The following ANKRD52 variants were observed in gnomAD, a reference collection of about 807,000 sequenced individuals.
ANKRD52 encodes ankyrin repeat domain 52, also known as serine/threonine-protein phosphatase 6 regulatory ankyrin repeat subunit C.
Under a neutral mutation model 116.0 loss-of-function variants are expected in ANKRD52, and 7 were observed. The observed-to-expected ratio is 0.06, with a 90% CI of 0.03 to 0.11. ANKRD52 has a LOEUF of 0.11. ANKRD52 is among the 10% of genes least tolerant of loss of function. ANKRD52 has a pLI of 1.00. For synonymous variants in ANKRD52, 528 were observed against 578.1 expected (o/e 0.91, Z 1.24); for missense variants, 839 against 1,408.6 (o/e 0.60, Z 6.47).
Position 56,253,174 on chromosome 12 carries a change from G to A in ANKRD52, c.1101-88C>T, listed in dbSNP as rs776251158. On this transcript the variant is annotated intron_variant, in intron 10 of 27. Transcript: ENST00000267116. The surrounding 1 kb of genome is among the most constrained non-coding windows in gnomAD (Gnocchi z 5.5). ...TGACCTACCACCACCCTAGAGTCAG[G>A]GTAGGAGGTTCTCCAAGGTGCCCTT... is the stretch of plus-strand genomic sequence containing the variant. 12 of 1,451,248 alleles carry A rather than the reference G, an allele frequency of 8.3e-6. No homozygotes were observed. The South Asian group carries it at 1.0e-4, about 12-fold the overall frequency. The allele number at this position is 1,451,248 out of a possible 1,614,324, so 89.9% of individuals were successfully genotyped here.
Position 56,253,530 on chromosome 12 carries a change from A to C in ANKRD52, c.986-128T>G. The C allele has an allele frequency of 1.1e-6, 1 of 939,564 alleles. No homozygotes were observed. Among genetic ancestry groups the C allele is most frequent in the Admixed American group, 2.2e-5 (1 of 45,414 alleles). 58.2% of individuals were successfully genotyped at this position (939,564 alleles called of 1,614,324 possible). A position where few individuals can be genotyped will look rare whatever the true frequency, so the allele number is the denominator to read the frequency against. On this transcript the variant is annotated intron_variant, in intron 9 of 27. Coordinates refer to ENST00000267116, the MANE Select transcript of ANKRD52 (RefSeq NM_173595.4). This position sits in a 1 kb window ranked among gnomAD's most constrained non-coding sequence, Gnocchi z 5.5. ...CCAGGCCCAGGATTCTACATATTTT[A>C]TCCTGTTTCTAGGCCTTAGGAGACT...
At chr12:56,256,967 A>G (rs764826771) in intron 4 of ANKRD52, 48 bp downstream of exon 4, 2 of 1,576,960 alleles carry the variant, frequency 1.3e-6, no homozygotes, top group South Asian at 2.3e-5. Flanking sequence ...CCCCACCTTT[A>G]AGCAACTTAT....
intron 4 of ANKRD52, 54 bp downstream of exon 4, chr12:56,256,961 A>G (rs1040967015): frequency 6.4e-7 from 1 of 1,564,838 alleles, no homozygotes; most frequent in Non-Finnish European, 8.7e-7. Flanking sequence ...CTTAACCCCC[A>G]CCTTTAAGCA....
Position 56,243,631 on chromosome 12 carries a change from C to T in ANKRD52, c.2980+154G>A, listed in dbSNP as rs1871265367. Among the ~76,000 whole-genome samples the T allele has an allele frequency of 6.6e-6, 1 of 152,152 alleles. No homozygotes were observed. Among genetic ancestry groups the T allele is most frequent in the African/African-American group, 2.4e-5 (1 of 41,450 alleles). ...GAGTCCTCCTGACCCTGCAGGCTCC[C>T]CTCTGAGACTCCAGAGTACTGGTGT... On this transcript the variant is annotated intron_variant, in intron 27 of 27. Coordinates refer to ENST00000267116, the MANE Select transcript of ANKRD52 (RefSeq NM_173595.4). This position sits in a 1 kb window ranked among gnomAD's most constrained non-coding sequence, Gnocchi z 4.6.
rs774975259 is a variant in ANKRD52 at position 56,253,334 on chromosome 12, C to T, written c.1054G>A (p.Glu352Lys). The T allele has an allele frequency of 1.9e-6, 3 of 1,613,852 alleles. No individual in the cohort carries two copies. Among genetic ancestry groups the T allele is most frequent in the African/African-American group, 1.3e-5 (1 of 74,928 alleles). Residue 352 changes from glutamate (E) to lysine (K), a missense_variant, in exon 10 of 28, where the codon GAG becomes AAG. Around this residue, in one of 2 missense-constraint regions of ANKRD52, gnomAD observed 287 missense variants for 598.1 expected, o/e 0.48. Coordinates refer to ENST00000267116, the MANE Select transcript of ANKRD52 (RefSeq NM_173595.4). This position sits in a 1 kb window ranked among gnomAD's most constrained non-coding sequence, Gnocchi z 5.5. Reference sequence around the variant, plus strand: ...GTCATGAGGGTGCTGATGAGCAGCTCGTGTCCATATCGAGCAGCCACATGC... The same window carrying T: ...GTCATGAGGGTGCTGATGAGCAGCTTGTGTCCATATCGAGCAGCCACATGC... ...PLHVAARYGHELLISTLMTNG... is the reference protein window; with the variant it reads ...PLHVAARYGHKLLISTLMTNG...
Position 56,255,480 on chromosome 12 carries a change from G to A in ANKRD52, c.462+304C>T, listed in dbSNP as rs1025048500. The stretch of plus-strand genomic sequence containing the variant: ...GCTGGGATTACAGGCGTGAGCCGCC[G>A]TGCCCGGCCGGTTCTTAAACTCTTG... On this transcript the variant is annotated intron_variant, in intron 5 of 27. Transcript: ENST00000267116. The surrounding 1 kb of genome is among the most constrained non-coding windows in gnomAD (Gnocchi z 4.3). 5.3e-5 allele frequency among the ~76,000 whole-genome samples: 8 copies of A among 152,326 alleles called. No individual in the cohort carries two copies. The highest frequency in any genetic ancestry group is 3.4e-3 in the Middle Eastern group (1 of 294).
In ANKRD52 at chr12:56,250,813, C is replaced by T. The variant is rs1592392239; in HGVS notation, c.1592+1202G>A. On this transcript the variant is annotated intron_variant, in intron 15 of 27. Coordinates refer to ENST00000267116, the MANE Select transcript of ANKRD52 (RefSeq NM_173595.4). ...TCTCACATAACCTATACCTAGTTTC[C>T]CGTCATTAACATCTTACATTAGTAT... Among the ~76,000 whole-genome samples, 3 of 151,496 alleles carry T rather than the reference C, an allele frequency of 2.0e-5. No homozygotes were observed. In the South Asian group the frequency reaches 6.3e-4, roughly 32 times the overall value.
chr12:56,243,797 C>T lies in ANKRD52; in HGVS notation c.2968G>A (p.Val990Met), dbSNP rs933263029. ...AGACCCCACCCACCTTCTTCATCCACAGCCAGCACTGTGGCCCCATGACTC... is the reference window on the plus strand; with the variant it reads ...AGACCCCACCCACCTTCTTCATCCATAGCCAGCACTGTGGCCCCATGACTC... ...LLSHGATVLA[V>M]DEEGHTPALA... is the part of the protein sequence containing the mutation. Residue 990 changes from valine (V) to methionine (M), a missense_variant, in exon 27 of 28, where the codon GTG becomes ATG. Coordinates refer to ENST00000267116, the MANE Select transcript of ANKRD52 (RefSeq NM_173595.4). The surrounding 1 kb of genome is among the most constrained non-coding windows in gnomAD (Gnocchi z 4.6). The T allele has an allele frequency of 9.6e-6, 15 of 1,558,102 alleles. 1 individual carries two copies. In the South Asian group the frequency reaches 1.5e-4, roughly 16 times the overall value.
In ANKRD52 at chr12:56,242,837, G is replaced by A. The variant is rs1281166646; in HGVS notation, c.*305C>T. ...GAGTCGGGGGAGCTGGCAGCAGAAA[G>A]AGGGAACCAAGAGATGGAGTCAAAG... On this transcript the variant is annotated 3_prime_UTR_variant, in exon 28 of 28. Transcript: ENST00000267116. This position sits in a 1 kb window ranked among gnomAD's most constrained non-coding sequence, Gnocchi z 4.3. 3.3e-5 allele frequency: 12 copies of A among 363,598 alleles called. No individual in the cohort carries two copies. The highest frequency in any genetic ancestry group is 5.5e-5 in the Non-Finnish European group (11 of 199,194). The allele number at this position is 363,598 out of a possible 1,614,324, so 22.5% of individuals were successfully genotyped here.
At chr12:56,258,015 G>A (rs1467284881) in intron 1 of ANKRD52, 104 bp from the exon 2 acceptor site, 4 of 1,322,382 alleles carry the variant, frequency 3.0e-6, no homozygotes, top group Admixed American at 3.9e-5. Context: ...GGCGTCCGTG[G>A]AGGGGCTCCA....
chr12:56,248,706 A>G lies in ANKRD52; in HGVS notation c.1704+53T>C, dbSNP rs1168487863. On this transcript the variant is annotated intron_variant, in intron 16 of 27. Transcript: ENST00000267116. The surrounding 1 kb of genome is among the most constrained non-coding windows in gnomAD (Gnocchi z 5.1). ...GAACCCTTAGTTTTGGAATCCACAA[A>G]CCCTGTGCCCTGCCCCTGCCTCCCC... The G allele has an allele frequency of 6.5e-7, 1 of 1,531,978 alleles. No homozygotes were observed. Among genetic ancestry groups the G allele is most frequent in the African/African-American group, 1.4e-5 (1 of 72,944 alleles). 94.9% of individuals were successfully genotyped at this position (1,531,978 alleles called of 1,614,324 possible).
At position 56,243,935 on chromosome 12, in the gene ANKRD52, G is replaced by C. The variant is rs1871279049; in HGVS notation, c.2889-59C>G. ...TAAGCTGCCCTTCCACCTCCAGACA[G>C]GGTGGCAAGGGTGCTGAACAAATAC... On this transcript the variant is annotated intron_variant, in intron 26 of 27. Coordinates refer to ENST00000267116, the MANE Select transcript of ANKRD52 (RefSeq NM_173595.4). This position sits in a 1 kb window ranked among gnomAD's most constrained non-coding sequence, Gnocchi z 4.6. 1 of 1,596,506 alleles carries C rather than the reference G, an allele frequency of 6.3e-7. No homozygotes were observed. The highest frequency in any genetic ancestry group is 1.1e-5 in the South Asian group (1 of 89,874).
In ANKRD52 at chr12:56,245,498, G is replaced by C; in HGVS notation, c.2283C>G (p.Ala761=). ...DFKGRTPIHL[A]SACGHTAVLR... is the part of the protein sequence containing the mutation. ...GTACTGCAGTGTGGCCACAGGCTGA[G>C]GCCAGGTGAATGGGCGTGCGGCCCT... The change falls in exon 21 of 28, where the codon GCC becomes GCG. Residue 761 remains alanine, a synonymous_variant. Transcript: ENST00000267116. 6.2e-7 allele frequency: 1 copy of C among 1,611,756 alleles called. No homozygotes were observed. The highest frequency in any genetic ancestry group is 1.3e-5 in the African/African-American group (1 of 74,890).
intron 20 of ANKRD52, 78 bp from the exon 21 acceptor site, chr12:56,245,674 G>A: frequency 7.7e-7 from 1 of 1,300,750 alleles, no homozygotes; most frequent in Non-Finnish European, 1.1e-6. Flanking sequence ...TCTGGCTCAG[G>A]AGTAAGAACC....
In ANKRD52 at chr12:56,258,313, G is replaced by A. The variant is rs1304027574; in HGVS notation, c.-44C>T. ...TCCGCATCGAGCTCCCGGCGGCGGCGGCGGCGGCTCCACCGGGGACACGGA... is the reference window on the plus strand; with the variant it reads ...TCCGCATCGAGCTCCCGGCGGCGGCAGCGGCGGCTCCACCGGGGACACGGA... On this transcript the variant is annotated 5_prime_UTR_variant, in exon 1 of 28. Transcript: ENST00000267116. The A allele has an allele frequency of 2.0e-6, 3 of 1,522,308 alleles. No individual in the cohort carries two copies. The highest frequency in any genetic ancestry group is 8.8e-7 in the Non-Finnish European group (1 of 1,136,986). The allele number at this position is 1,522,308 out of a possible 1,614,324, so 94.3% of individuals were successfully genotyped here.
At chr12:56,251,673 G>A (rs566364237) in intron 15 of ANKRD52, among the ~76,000 whole-genome samples, 4 of 150,566 alleles carry the variant, frequency 2.7e-5, no homozygotes, top group Non-Finnish European at 5.9e-5. Flanking sequence ...AAGACCAGCC[G>A]GGCGCGGTGA....
chr12:56,252,949 G>C lies in ANKRD52; in HGVS notation c.1184-52C>G. ...ACATCTGAGAGTGTTCAGCAGGGAG[G>C]GAAAGGCCTTTGCTCTCCTATACAC... On this transcript the variant is annotated intron_variant, in intron 11 of 27. Coordinates refer to ENST00000267116, the MANE Select transcript of ANKRD52 (RefSeq NM_173595.4). The surrounding 1 kb of genome is among the most constrained non-coding windows in gnomAD (Gnocchi z 4.7). 1 of 1,598,398 alleles carries C rather than the reference G, an allele frequency of 6.3e-7. No individual in the cohort carries two copies. The highest frequency in any genetic ancestry group is 1.1e-5 in the South Asian group (1 of 88,966).
Position 56,243,037 on chromosome 12 carries a change from C to T in ANKRD52, c.*105G>A. ...AGGGCTTCCTTCCCCTCCGCCCCCTCCACCCAGTCGTGTTCTCCTTTAAAG... is the reference window on the plus strand; with the variant it reads ...AGGGCTTCCTTCCCCTCCGCCCCCTTCACCCAGTCGTGTTCTCCTTTAAAG... On this transcript the variant is annotated 3_prime_UTR_variant, in exon 28 of 28. Transcript: ENST00000267116. This position sits in a 1 kb window ranked among gnomAD's most constrained non-coding sequence, Gnocchi z 4.6. 1.4e-6 allele frequency: 2 copies of T among 1,405,422 alleles called. No individual in the cohort carries two copies. 87.1% of individuals were successfully genotyped at this position (1,405,422 alleles called of 1,614,324 possible). A position where few individuals can be genotyped will look rare whatever the true frequency, so the allele number is the denominator to read the frequency against.
rs1351759691 is a variant in ANKRD52 at position 56,242,424 on chromosome 12, G to A, written c.*718C>T. The A allele has an allele frequency of 2.8e-6, 1 of 361,964 alleles. No homozygotes were observed. The highest frequency in any genetic ancestry group is 2.1e-5 in the African/African-American group (1 of 47,974). The allele number at this position is 361,964 out of a possible 1,614,324, so 22.4% of individuals were successfully genotyped here. On this transcript the variant is annotated 3_prime_UTR_variant, in exon 28 of 28. Coordinates refer to ENST00000267116, the MANE Select transcript of ANKRD52 (RefSeq NM_173595.4). The surrounding 1 kb of genome is among the most constrained non-coding windows in gnomAD (Gnocchi z 4.3). Reference sequence around the variant, plus strand: ...GGCCAGGCTAGGAGTGGGAGGGAATGGGGAGGGGGCAGGCTGTGGGGGCAG... The same window carrying A: ...GGCCAGGCTAGGAGTGGGAGGGAATAGGGAGGGGGCAGGCTGTGGGGGCAG...
Sources: allele counts gnomAD v4.1 joint callset (sites outside exome capture counted in the v4.1 genomes callset), GRCh38; gene constraint gnomAD v4.1.1; regional missense constraint gnomAD v4.1.1; non-coding constraint Gnocchi (gnomAD v3.1); transcripts MANE v1.5; gene names NCBI Gene and HGNC (gene_info 2026-07-23, HGNC 2026-07-21).